PSTPIP1: variants seen among roughly 807,000 people sequenced by gnomAD.
PSTPIP1 encodes the protein proline-serine-threonine phosphatase interacting protein 1.
In PSTPIP1, 66 loss-of-function variants were observed where a neutral mutation model predicts 69.6. The ratio of observed to expected loss-of-function variants is 0.95; its 90% CI spans 0.78 to 1.16. The LOEUF (loss-of-function observed/expected upper bound fraction) is 1.16. Ranked by LOEUF, PSTPIP1 falls within the 50% of genes most tolerant of loss-of-function variation. The probability of loss-of-function intolerance (pLI) is 0.00; values close to 1 mark genes in which losing one functional copy is unlikely to be tolerated. For synonymous variants in PSTPIP1, 266 were observed against 222.7 expected (o/e 1.19, Z -1.73); for missense variants, 603 against 557.4 (o/e 1.08, Z -0.82).
upstream of PSTPIP1, chr15:76,995,106 T>C (rs530336490): frequency 6.4e-5 from 75 of 1,176,538 alleles, no homozygotes; most frequent in Middle Eastern, 1.2e-3. Flanking sequence ...GCCCTGTGCC[T>C]GCCCCGGGGG....
At chr15:77,035,753 G>A (rs1424962349) in intron 13 of PSTPIP1, 49 bp from the exon 14 acceptor site, 4 of 1,470,132 alleles carry the variant, frequency 2.7e-6, no homozygotes, top group Admixed American at 2.2e-5. Context: ...GACTTCCAGG[G>A]GCCAGTGTCC....
intron 14 of PSTPIP1, 108 bp downstream of exon 14, chr15:77,036,043 T>A: frequency 7.3e-7 from 1 of 1,368,934 alleles, no homozygotes; most frequent in African/African-American, 1.5e-5. Flanking sequence ...GTTTCACTCA[T>A]CTTCGAGCAT....
intron 1 of PSTPIP1, among the ~76,000 whole-genome samples, chr15:76,998,004 A>C (rs988762406): frequency 1.3e-5 from 2 of 152,206 alleles, no homozygotes; most frequent in African/African-American, 4.8e-5. Flanking sequence ...CTGGGAGGCC[A>C]AGGTGGATGG....
chr15:77,018,193 C>A lies in PSTPIP1; in HGVS notation c.82C>A (p.Arg28=), dbSNP rs767330325. ...CACGGGCTACGAGGTGCTGCTGCAG[C>A]GGCTTCTGGATGGCAGGAAGATGTG... ...AHTGYEVLLQ[R]LLDGRKMCKD... is the part of the protein sequence containing the mutation. Residue 28 remains arginine (R), a synonymous_variant, in exon 2 of 15, where the codon CGG becomes AGG. Transcript: ENST00000558012. The A allele has an allele frequency of 6.3e-6, 10 of 1,590,252 alleles. No individual in the cohort carries two copies. Among genetic ancestry groups the A allele is most frequent in the Non-Finnish European group, 8.6e-6 (10 of 1,169,368 alleles).
chr15:77,021,990 G>A (rs1456555571), intron 3 of PSTPIP1, among the ~76,000 whole-genome samples: 1 of 152,248 alleles, frequency 6.6e-6, no homozygotes, highest in East Asian at 1.9e-4. Flanking sequence ...CCAAGGCAAG[G>A]CCAGCTTCCT....
chr15:77,004,520 G>A (rs1160929032), intron 1 of PSTPIP1, among the ~76,000 whole-genome samples: 1 of 152,148 alleles, frequency 6.6e-6, no homozygotes, highest in African/African-American at 2.4e-5. Flanking sequence ...CGTGGCTAGA[G>A]AGAGTGACCA....
chr15:77,016,287 T>C (rs2076051039), intron 1 of PSTPIP1, among the ~76,000 whole-genome samples: 1 of 152,068 alleles, frequency 6.6e-6, no homozygotes, highest in Non-Finnish European at 1.5e-5. Flanking sequence ...AATGCTGGTG[T>C]CCCTCCGGGC....
chr15:77,031,527 G>A lies in PSTPIP1; in HGVS notation c.741+249G>A, dbSNP rs1304370275. ...GTGGTTCCCCTGACTTCCTCCTTATGCCTCAGAGCCACAGAGCACCTGCCC... is the reference window on the plus strand; with the variant it reads ...GTGGTTCCCCTGACTTCCTCCTTATACCTCAGAGCCACAGAGCACCTGCCC... On this transcript the variant is annotated intron_variant, in intron 10 of 14. Coordinates refer to ENST00000558012, the MANE Select transcript of PSTPIP1 (RefSeq NM_003978.5). 5 of 390,270 alleles carry A rather than the reference G, an allele frequency of 1.3e-5. No individual in the cohort carries two copies. In the Admixed American group the frequency reaches 1.5e-4, roughly 12 times the overall value. The allele number at this position is 390,270 out of a possible 1,614,324, so 24.2% of individuals were successfully genotyped here.
At chr15:77,030,689 C>G (rs1018467385) in intron 9 of PSTPIP1, 108 bp downstream of exon 9, 6 of 1,073,880 alleles carry the variant, frequency 5.6e-6, no homozygotes, top group Non-Finnish European at 7.8e-6. Flanking sequence ...GGGAAGGTAC[C>G]TGTTACTCAC....
At position 77,027,734 on chromosome 15, in the gene PSTPIP1, C is replaced by A; in HGVS notation, c.355-118C>A. ...CTGGGGGAGGGAGGGCAGCCTGTCA[C>A]CCTCTCTCCAGAGCCAGGAGAGGTG... On this transcript the variant is annotated intron_variant, in intron 5 of 14. Transcript: ENST00000558012. This position sits in a 1 kb window ranked among gnomAD's most constrained non-coding sequence, Gnocchi z 4.3. The A allele has an allele frequency of 1.6e-6, 2 of 1,213,406 alleles. No individual in the cohort carries two copies. The highest frequency in any genetic ancestry group is 2.4e-6 in the Non-Finnish European group (2 of 844,630). The allele number at this position is 1,213,406 out of a possible 1,614,324, so 75.2% of individuals were successfully genotyped here. A position where few individuals can be genotyped will look rare whatever the true frequency, so the allele number is the denominator to read the frequency against.
At chr15:76,994,839 C>CT, upstream of PSTPIP1, 2 of 1,289,070 alleles carry the variant, frequency 1.6e-6, no homozygotes, top group African/African-American at 3.0e-5. Context: ...GAATGACTTG[C>CT]TAGTGCGGGG....
chr15:77,032,423 C>T (rs763450847), intron 11 of PSTPIP1, 29 bp downstream of exon 11: 8 of 1,607,280 alleles, frequency 5.0e-6, no homozygotes, highest in Non-Finnish European at 6.8e-6. Context: ...ACAGCGCAGC[C>T]TCTAGGTGCA....
At chr15:77,013,711 T>G (rs2075991807) in intron 1 of PSTPIP1, among the ~76,000 whole-genome samples, 1 of 152,170 alleles carries the variant, frequency 6.6e-6, no homozygotes, top group Admixed American at 6.5e-5. Context: ...CCTGGCTACC[T>G]TCCACGGCCC....
At chr15:76,997,463 G>A (rs2075605705) in intron 1 of PSTPIP1, among the ~76,000 whole-genome samples, 1 of 152,254 alleles carries the variant, frequency 6.6e-6, no homozygotes, top group African/African-American at 2.4e-5. Flanking sequence ...TGCTGAGCAC[G>A]AAAGATGTGC....
chr15:77,035,331 G>T (rs891342198), intron 12 of PSTPIP1, among the ~76,000 whole-genome samples, 177 bp from the exon 13 acceptor site: 2 of 152,192 alleles, frequency 1.3e-5, no homozygotes, highest in African/African-American at 4.8e-5. Context: ...ACTTTCTGGG[G>T]AGCCCTCCTG....
chr15:77,011,891 G>A (rs952262235), intron 1 of PSTPIP1, among the ~76,000 whole-genome samples: 1 of 152,052 alleles, frequency 6.6e-6, no homozygotes, highest in African/African-American at 2.4e-5. Flanking sequence ...GCATTGTCCT[G>A]GAGTTGGCCT....
chr15:77,028,964 CTCAG>C (rs991498693), intron 7 of PSTPIP1, among the ~76,000 whole-genome samples: 1 of 152,246 alleles, frequency 6.6e-6, no homozygotes, highest in Non-Finnish European at 1.5e-5. Flanking sequence ...TGGAGAAGGG[CTCAG>C]TAGGCCCATG....
chr15:77,025,341 A>G, intron 4 of PSTPIP1, 23 bp downstream of exon 4: 2 of 1,600,860 alleles, frequency 1.2e-6, no homozygotes, highest in East Asian at 2.2e-5. Flanking sequence ...CCCTGGGGCA[A>G]TGGGATCTTT....
At position 77,035,884 on chromosome 15, in the gene PSTPIP1, C is replaced by T. The variant is rs781251437; in HGVS notation, c.1068C>T (p.Asn356=). ...TAIAVQEIQG[N]PASPAQEYRA... ...TCGCAGTGCAGGAGATACAGGGAAA[C>T]CCGGCCTCACCAGCCCAGGAGTACC... is the stretch of plus-strand genomic sequence containing the variant. Residue 356 remains asparagine (N), a synonymous_variant, in exon 14 of 15, where the codon AAC becomes AAT. Coordinates refer to ENST00000558012, the MANE Select transcript of PSTPIP1 (RefSeq NM_003978.5). The T allele has an allele frequency of 6.2e-7, 1 of 1,610,402 alleles. No homozygotes were observed. Among genetic ancestry groups the T allele is most frequent in the Admixed American group, 1.7e-5 (1 of 59,886 alleles).
Sources: allele counts gnomAD v4.1 joint callset (sites outside exome capture counted in the v4.1 genomes callset), GRCh38; gene constraint gnomAD v4.1.1; non-coding constraint Gnocchi (gnomAD v3.1); transcripts MANE v1.5; gene names NCBI Gene and HGNC (gene_info 2026-07-23, HGNC 2026-07-21).